Variants in MYOF observed in about 807,000 individuals in gnomAD.
The protein encoded by MYOF is fer-1-like 3, myoferlin.
A neutral mutation model predicts 284.2 loss-of-function variants in MYOF; 244 were observed. The observed-to-expected ratio is 0.86, with a 90% confidence interval of 0.77 to 0.95. The LOEUF (loss-of-function observed/expected upper bound fraction) is 0.95, where lower values mean the gene tolerates loss of function less well. Among genes scored for constraint, MYOF ranks in the 40% least tolerant of loss-of-function variants. MYOF has a pLI of 0.00. For synonymous variants in MYOF, 904 were observed against 919.7 expected (o/e 0.98, Z 0.31); for missense variants, 2,496 against 2,560.6 (o/e 0.97, Z 0.54).
At chr10:93,394,524 G>A (rs1328383896) in intron 16 of MYOF, among the ~76,000 whole-genome samples, 1 of 127,254 alleles carries the variant, frequency 7.9e-6, no homozygotes. Flanking sequence ...GCAGTGGCGC[G>A]ATCTCGGCTC....
rs1055540439 is a variant in MYOF at position 93,349,664 on chromosome 10, A to T, written c.4083+144T>A. 70 of 947,068 alleles carry T rather than the reference A, an allele frequency of 7.4e-5. 1 individual carries two copies. Among genetic ancestry groups the T allele is most frequent in the Non-Finnish European group, 9.2e-5 (61 of 659,866 alleles). 58.7% of individuals were successfully genotyped at this position (947,068 alleles called of 1,614,324 possible). On this transcript the variant is annotated intron_variant, in intron 36 of 53. Coordinates refer to ENST00000359263, the MANE Select transcript of MYOF (RefSeq NM_013451.4). ...TACAGTGGGAGAATTTAAGGGGAAA[A>T]AGTCACTGACAAGCTGAATATAAGG... is the stretch of plus-strand genomic sequence containing the variant.
At chr10:93,373,451 G>A (rs937516047) in intron 23 of MYOF, among the ~76,000 whole-genome samples, 3 of 152,156 alleles carry the variant, frequency 2.0e-5, no homozygotes, top group African/African-American at 7.2e-5. Context: ...TATTTTACAG[G>A]ATAAAGAGTC....
At chr10:93,386,940 A>G (rs1042559040) in intron 19 of MYOF, among the ~76,000 whole-genome samples, 1 of 151,944 alleles carries the variant, frequency 6.6e-6, no homozygotes, top group Non-Finnish European at 1.5e-5. Flanking sequence ...TTTGGGGGAG[A>G]GCATGGAGAA....
At chr10:93,354,848 C>A (rs113785263) in intron 31 of MYOF, among the ~76,000 whole-genome samples, 2 of 152,120 alleles carry the variant, frequency 1.3e-5, no homozygotes, top group East Asian at 3.8e-4. Context: ...TTCTGTATAA[C>A]GGGAACAATA....
At chr10:93,316,683 T>G in intron 50 of MYOF, 31 bp downstream of exon 50, 2 of 1,552,466 alleles carry the variant, frequency 1.3e-6, no homozygotes, top group African/African-American at 1.4e-5. Context: ...GTACAGTTTC[T>G]TAGAAACAAT....
At chr10:93,471,853 C>G (rs562738686) in intron 1 of MYOF, among the ~76,000 whole-genome samples, 1 of 151,276 alleles carries the variant, frequency 6.6e-6, no homozygotes, top group Admixed American at 6.6e-5. Context: ...TGCACCATTG[C>G]ACTCCAGCCT....
chr10:93,378,736 G>C (rs1208180855), intron 21 of MYOF, among the ~76,000 whole-genome samples: 1 of 81,120 alleles, frequency 1.2e-5, no homozygotes, highest in Non-Finnish European at 2.5e-5. Context: ...TATCTTTTTA[G>C]ACAGAGTCTC....
At chr10:93,456,569 C>T (rs1314405887) in intron 2 of MYOF, among the ~76,000 whole-genome samples, 1 of 152,210 alleles carries the variant, frequency 6.6e-6, no homozygotes, top group African/African-American at 2.4e-5. Context: ...TTGCTCTGCA[C>T]ATGTGCCCCA....
chr10:93,324,830 A>G (rs959135195), intron 46 of MYOF, among the ~76,000 whole-genome samples: 14 of 152,076 alleles, frequency 9.2e-5, no homozygotes, highest in Admixed American at 5.9e-4. Flanking sequence ...CCCAGGCTAG[A>G]GTGCAGTGGT....
At chr10:93,428,282 C>T (rs12261210) in intron 4 of MYOF, among the ~76,000 whole-genome samples, 26,874 of 151,174 alleles carry the variant, frequency 0.18, 2,791 homozygotes, top group Middle Eastern at 0.27. Context: ...CTGCAGCCTC[C>T]GCCTCACACC....
rs1031601573 is a variant in MYOF, at chr10:93,387,914, C to G, written c.1582-1G>C. The G allele has an allele frequency of 1.9e-6, 3 of 1,609,834 alleles. No homozygotes were observed. The highest frequency in any genetic ancestry group is 2.6e-6 in the Non-Finnish European group (3 of 1,176,464). On this transcript the variant is annotated splice_acceptor_variant, in intron 18 of 53. Transcript: ENST00000359263. LOFTEE classifies it high-confidence loss of function. ...TGCCTCTGTAGGCAACTCCTTCCCC[C>G]TGAAAGGCAATAATCCAGGATTATT...
At position 93,351,814 on chromosome 10, in the gene MYOF, T is replaced by G. The variant is rs893038230; in HGVS notation, c.3514A>C (p.Ser1172Arg). 1 of 1,587,268 alleles carries G rather than the reference T, an allele frequency of 6.3e-7. No individual in the cohort carries two copies. Among genetic ancestry groups the G allele is most frequent in the Non-Finnish European group, 8.5e-7 (1 of 1,173,884 alleles). The stretch of plus-strand genomic sequence containing the variant: ...GAATGGATGATCTCAGTGGTTTTGC[T>G]CCGATGGAGGAAACAGATATGAGCA... Reference protein sequence around the residue: ...PYAHICFLHRSKTTEIIHSTL... With the variant: ...PYAHICFLHRRKTTEIIHSTL... Residue 1172 changes from serine (S) to arginine (R), a missense_variant, in exon 33 of 54, where the codon AGC becomes CGC. Ser to Arg is a moderately radical substitution (Grantham distance 110, BLOSUM62 -1). This residue lies in a region of MYOF where 2,436 missense variants were observed against 2,480.7 expected (regional missense o/e 0.98). Coordinates refer to ENST00000359263, the MANE Select transcript of MYOF (RefSeq NM_013451.4).
chr10:93,347,826 G>C (rs374828512), intron 36 of MYOF, 44 bp from the exon 37 acceptor site: 31 of 1,572,778 alleles, frequency 2.0e-5, no homozygotes, highest in Non-Finnish European at 2.7e-5. Flanking sequence ...GACCAGACGA[G>C]GGCAGCTTTG....
At chr10:93,378,528 C>G (rs1845947281) in intron 21 of MYOF, among the ~76,000 whole-genome samples, 2 of 151,444 alleles carry the variant, frequency 1.3e-5, no homozygotes, top group South Asian at 4.2e-4. Flanking sequence ...AAGTATACTC[C>G]TGAAACCCCA....
intron 2 of MYOF, among the ~76,000 whole-genome samples, chr10:93,455,666 C>T (rs2056728495): frequency 6.6e-6 from 1 of 151,984 alleles, no homozygotes; most frequent in Non-Finnish European, 1.5e-5. Flanking sequence ...CAAAAACAAA[C>T]AAACAAATAA....
At position 93,431,509 on chromosome 10, in the gene MYOF, C is replaced by T; in HGVS notation, c.244G>A (p.Gly82Ser). ...FETIGQNKLI[G>S]TATVALKDLT... ...TCCTTCAGGGCTACAGTCGCCGTGC[C>T]AATTAATCTGCAGGGAAAACAGGAA... is the stretch of plus-strand genomic sequence containing the variant. Residue 82 changes from glycine to serine, a missense_variant, in exon 4 of 54, where the codon GGC becomes AGC. By Grantham distance (56) the Gly-to-Ser change is moderately conservative (BLOSUM62 0). Coordinates refer to ENST00000359263, the MANE Select transcript of MYOF (RefSeq NM_013451.4). 6.2e-7 allele frequency: 1 copy of T among 1,613,476 alleles called. No individual in the cohort carries two copies. Among genetic ancestry groups the T allele is most frequent in the Non-Finnish European group, 8.5e-7 (1 of 1,179,566 alleles).
In MYOF at chr10:93,335,998, C is replaced by T. The variant is rs1843587440; in HGVS notation, c.4486G>A (p.Asp1496Asn). 6.2e-7 allele frequency: 1 copy of T among 1,614,050 alleles called. No homozygotes were observed. The highest frequency in any genetic ancestry group is 8.5e-7 in the Non-Finnish European group (1 of 1,180,024). ...ENVAEFEGLT[D>N]FSDTFKLYRG... ...TACAACTTGAACGTATCTGAGAAGT[C>T]TGTCAGGCCCTCAAATTCTGCTACA... Residue 1496 changes from aspartate (D) to asparagine (N), a missense_variant, in exon 41 of 54, where the codon GAC (aspartate) becomes AAC (asparagine). Asp to Asn is a conservative substitution (Grantham distance 23, BLOSUM62 1). Transcript: ENST00000359263.
At position 93,389,164 on chromosome 10, in the gene MYOF, A is replaced by C; in HGVS notation, c.1457-10T>G. The C allele has an allele frequency of 6.2e-7, 1 of 1,612,370 alleles. No individual in the cohort carries two copies. Among genetic ancestry groups the C allele is most frequent in the Non-Finnish European group, 8.5e-7 (1 of 1,179,464 alleles). ...GTTTCTCCTGTGTTTACTGAGAGAG[A>C]AACATCATCATGAGGTGTTAGGCTT... On this transcript the variant is annotated splice_polypyrimidine_tract_variant and intron_variant, in intron 17 of 53. Transcript: ENST00000359263.
intron 46 of MYOF, among the ~76,000 whole-genome samples, chr10:93,324,738 G>T (rs1342419176): frequency 6.6e-6 from 1 of 152,158 alleles, no homozygotes; most frequent in Non-Finnish European, 1.5e-5. Flanking sequence ...TAGTTTTGCT[G>T]TCAGGGTCAA....
Sources: gnomAD v4.1 joint callset for allele counts (sites outside exome capture counted in the v4.1 genomes callset) on GRCh38, gnomAD v4.1.1 for gene constraint, gnomAD v4.1.1 regional missense constraint, MANE v1.5 for transcripts, NCBI Gene and HGNC (gene_info 2026-07-23, HGNC 2026-07-21) for gene names.